PTK2B: variants seen among roughly 807,000 people sequenced by gnomAD.
PTK2B encodes protein-tyrosine kinase 2-beta.
Under a neutral mutation model 142.9 loss-of-function variants are expected in PTK2B, and 71 were observed. The observed-to-expected ratio is 0.50, with a 90% CI of 0.41 to 0.61. The LOEUF (loss-of-function observed/expected upper bound fraction) is 0.61, where lower values mean the gene tolerates loss of function less well. PTK2B is among the 20% of genes least tolerant of loss of function. The pLI, the probability that PTK2B is intolerant of heterozygous loss-of-function variation, is 0.00. For synonymous variants in PTK2B, 519 were observed against 503.4 expected (o/e 1.03, Z -0.42); for missense variants, 1,105 against 1,320.4 (o/e 0.84, Z 2.53).
rs6995758 is a variant in PTK2B at position 27,374,547 on chromosome 8, C to A, written c.-37-23001C>A. The stretch of plus-strand genomic sequence containing the variant: ...GCATAGCAGGTTTAGGATTGGCTCA[C>A]GTGAATAATTTCAGCAGGCTCTGGG... On this transcript the variant is annotated intron_variant, in intron 1 of 30. Transcript: ENST00000346049. 5.5e-3 allele frequency among the ~76,000 whole-genome samples: 834 copies of A among 152,272 alleles called. 6 individuals carry two copies. Among genetic ancestry groups the A allele is most frequent in the Non-Finnish European group, 7.5e-3 (513 of 68,032 alleles).
chr8:27,429,435 G>A (rs1489876134), intron 5 of PTK2B, among the ~76,000 whole-genome samples: 3 of 152,188 alleles, frequency 2.0e-5, no homozygotes, highest in African/African-American at 7.2e-5. Flanking sequence ...GACAGGGAAG[G>A]GAGGCTGGCA....
intron 15 of PTK2B, 96 bp downstream of exon 15, chr8:27,436,444 A>C: frequency 8.0e-7 from 1 of 1,250,864 alleles, no homozygotes; most frequent in Non-Finnish European, 1.2e-6. Flanking sequence ...CACAGCCTTC[A>C]TCCACTTGGG....
intron 30 of PTK2B, 85 bp downstream of exon 30, chr8:27,454,696 G>A: frequency 3.6e-6 from 5 of 1,395,894 alleles, no homozygotes; most frequent in Non-Finnish European, 5.0e-6. Flanking sequence ...ATGGCTGCCT[G>A]GGCAACCTCA....
upstream of PTK2B, among the ~76,000 whole-genome samples, chr8:27,320,688 A>G (rs1803191952): frequency 6.6e-6 from 1 of 152,160 alleles, no homozygotes; most frequent in Non-Finnish European, 1.5e-5. Context: ...ATGGAGCTTC[A>G]TGCCTTCCCT....
chr8:27,351,107 G>T (rs1383330856), intron 1 of PTK2B, among the ~76,000 whole-genome samples: 3 of 142,320 alleles, frequency 2.1e-5, no homozygotes, highest in Non-Finnish European at 4.5e-5. Flanking sequence ...AGGAGGCTAA[G>T]GTGGGAGGAT....
At chr8:27,394,791 C>T (rs1037725685) in intron 1 of PTK2B, among the ~76,000 whole-genome samples, 2 of 151,888 alleles carry the variant, frequency 1.3e-5, no homozygotes, top group Admixed American at 1.3e-4. Context: ...TTTCTTTATA[C>T]CCTTATTCTA....
At chr8:27,369,282 G>A (rs1468051510) in intron 1 of PTK2B, among the ~76,000 whole-genome samples, 2 of 152,044 alleles carry the variant, frequency 1.3e-5, no homozygotes, top group Non-Finnish European at 2.9e-5. Context: ...CATGTAGGGG[G>A]ACCTGAGATG....
At chr8:27,365,270 A>T (rs939226148) in intron 1 of PTK2B, among the ~76,000 whole-genome samples, 13 of 152,184 alleles carry the variant, frequency 8.5e-5, no homozygotes, top group Non-Finnish European at 1.8e-4. Flanking sequence ...TCCCTGGATC[A>T]CTACTTACTC....
intron 3 of PTK2B, among the ~76,000 whole-genome samples, chr8:27,318,514 A>G (rs978609182): frequency 3.3e-5 from 5 of 152,154 alleles, no homozygotes; most frequent in Non-Finnish European, 7.3e-5. Context: ...CACTCTTTCT[A>G]GGAGCAGCCT....
chr8:27,391,811 G>C (rs17375610), intron 1 of PTK2B, among the ~76,000 whole-genome samples: 57,250 of 152,096 alleles, frequency 0.38, 11,468 homozygotes, highest in Middle Eastern at 0.5. Context: ...ACAATCAGAA[G>C]TTTTCCTGTT....
chr8:27,313,325 A>T (rs534078583), intron 3 of PTK2B: 13 of 152,406 alleles, frequency 8.5e-5, no homozygotes, highest in Admixed American at 7.8e-4. Flanking sequence ...TAAATTACCC[A>T]GTCAGTCTAA....
chr8:27,397,406 C>T, intron 1 of PTK2B, 142 bp from the exon 2 acceptor site: 1 of 649,780 alleles, frequency 1.5e-6, no homozygotes, highest in East Asian at 2.7e-5. Context: ...GAGCCAGGTG[C>T]CTTGCAGGGG....
Position 27,437,173 on chromosome 8 carries a change from C to T in PTK2B, c.1393C>T (p.Leu465=), listed in dbSNP as rs767458749. 37 of 1,613,868 alleles carry T rather than the reference C, an allele frequency of 2.3e-5. No individual in the cohort carries two copies. The highest frequency in any genetic ancestry group is 3.0e-5 in the Non-Finnish European group (35 of 1,179,958). The stretch of plus-strand genomic sequence containing the variant: ...CAAGACCTGCAAGAAAGACTGCACT[C>T]TGGACAACAAGGAGAAGTTCATGAG... The part of the protein sequence containing the change: ...AVKTCKKDCT[L]DNKEKFMSEA... The change falls in exon 16 of 31, where the codon CTG becomes TTG. Residue 465 remains leucine, a synonymous_variant. Transcript: ENST00000346049.
chr8:27,436,028 G>A (rs905693965), intron 14 of PTK2B, among the ~76,000 whole-genome samples: 1 of 152,074 alleles, frequency 6.6e-6, no homozygotes, highest in Non-Finnish European at 1.5e-5. Flanking sequence ...TTCTAGTAAC[G>A]TGGACCTGGG....
At chr8:27,447,742 C>G (rs760973034) in intron 24 of PTK2B, among the ~76,000 whole-genome samples, 2 of 152,142 alleles carry the variant, frequency 1.3e-5, no homozygotes, top group Non-Finnish European at 2.9e-5. Context: ...CACCTGTAAT[C>G]CCAGCTACTC....
At chr8:27,311,396 G>GA (rs1802964155), upstream of PTK2B, 3 of 881,774 alleles carry the variant, frequency 3.4e-6, no homozygotes, top group South Asian at 1.9e-5. Context: ...GGGATGGCGA[G>GA]GGGGAGGGAG....
chr8:27,453,225 G>C (rs980597808), intron 28 of PTK2B, 65 bp downstream of exon 28: 2 of 1,574,504 alleles, frequency 1.3e-6, no homozygotes, highest in Non-Finnish European at 1.7e-6. Context: ...GAAGACCATG[G>C]TCTATGAAAG....
At position 27,408,536 on chromosome 8, in the gene PTK2B, G is replaced by A. The variant is rs143216015; in HGVS notation, c.204+10748G>A. Among the ~76,000 whole-genome samples, 560 of 152,328 alleles carry A rather than the reference G, an allele frequency of 3.7e-3. 3 individuals carry two copies. The highest frequency in any genetic ancestry group is 0.012 in the African/African-American group (513 of 41,560). On this transcript the variant is annotated intron_variant, in intron 2 of 30. Transcript: ENST00000346049. ...TCTATTTTTGGGTCTTCATTCTGAA[G>A]GTACCTGTGTATGCATATTAAGTAA...
chr8:27,339,299 G>A (rs992259580), intron 1 of PTK2B, among the ~76,000 whole-genome samples: 1 of 152,144 alleles, frequency 6.6e-6, no homozygotes, highest in Non-Finnish European at 1.5e-5. Context: ...CTTTCCATCA[G>A]CACAAAGGCT....
Sources: gnomAD v4.1 joint callset for allele counts (sites outside exome capture counted in the v4.1 genomes callset) on GRCh38, gnomAD v4.1.1 for gene constraint, MANE v1.5 for transcripts, NCBI Gene and HGNC (gene_info 2026-07-23, HGNC 2026-07-21) for gene names.